Variants in STIM2 observed in about 807,000 individuals in gnomAD.
STIM2 encodes stromal interaction molecule 2.
A neutral mutation model predicts 85.8 loss-of-function variants in STIM2; 31 were observed. The observed-to-expected ratio is 0.36, with a 90% CI of 0.27 to 0.49. The LOEUF (loss-of-function observed/expected upper bound fraction) is 0.49. Ranked by LOEUF, STIM2 falls within the 20% of genes least tolerant of loss-of-function variation. STIM2 has a pLI of 0.98. For missense variants in STIM2, 841 were observed against 927.6 expected, an observed-to-expected ratio of 0.91 and a Z score of 1.21; for synonymous variants, 356 against 331.1, an observed-to-expected ratio of 1.08 and a Z score of -0.82.
intron 11 of STIM2, 139 bp from the exon 12 acceptor site, chr4:27,022,380 C>A: frequency 1.6e-6 from 1 of 628,722 alleles, no homozygotes; most frequent in Non-Finnish European, 2.6e-6. Context: ...TCTAATTTTG[C>A]TGAAATGTAT....
Position 27,024,613 on chromosome 4 carries a change from A to T in STIM2, c.*1617A>T, listed in dbSNP as rs1560245838. 6.6e-6 allele frequency: 1 copy of T among 152,178 alleles called. No homozygotes were observed. Among genetic ancestry groups the T allele is most frequent in the African/African-American group, 2.4e-5 (1 of 41,452 alleles). The allele number at this position is 152,178 out of a possible 1,614,324, so 9.4% of individuals were successfully genotyped here. On this transcript the variant is annotated 3_prime_UTR_variant, in exon 12 of 12. Coordinates refer to ENST00000467087, the MANE Select transcript of STIM2 (RefSeq NM_020860.4). ...TACTATTGTTAAAAACTTGAATGGT[A>T]TTTATATTGGCTGATATTTATATAC... is the stretch of plus-strand genomic sequence containing the variant.
intron 2 of STIM2, among the ~76,000 whole-genome samples, chr4:26,921,088 C>G (rs13147585): frequency 0.31 from 47,176 of 151,956 alleles, 7,454 homozygotes; most frequent in African/African-American, 0.39. Flanking sequence ...TTCAATATGA[C>G]TAGTGTTCTG....
chr4:26,932,290 C>T (rs887544789), intron 2 of STIM2, among the ~76,000 whole-genome samples: 1 of 152,186 alleles, frequency 6.6e-6, no homozygotes, highest in African/African-American at 2.4e-5. Context: ...TGAATCTTAA[C>T]GTCTGTTTGA....
chr4:27,006,964 A>G (rs1355514284), intron 7 of STIM2, among the ~76,000 whole-genome samples: 3 of 152,232 alleles, frequency 2.0e-5, no homozygotes, highest in African/African-American at 7.2e-5. Flanking sequence ...ATAACTGGCC[A>G]TAAAGAGGAT....
chr4:26,954,880 C>T (rs1726186333), intron 2 of STIM2, among the ~76,000 whole-genome samples: 1 of 147,342 alleles, frequency 6.8e-6, no homozygotes, highest in South Asian at 2.2e-4. Context: ...ATTGTGATAT[C>T]CTGGAGACAT....
At chr4:26,918,219 T>C (rs375643605) in intron 1 of STIM2, among the ~76,000 whole-genome samples, 7 of 151,210 alleles carry the variant, frequency 4.6e-5, no homozygotes, top group African/African-American at 1.7e-4. Flanking sequence ...TTAGGTAATA[T>C]CAGTTTGACT....
At chr4:26,970,392 CT>C (rs1211835136) in intron 3 of STIM2, among the ~76,000 whole-genome samples, 2 of 152,018 alleles carry the variant, frequency 1.3e-5, no homozygotes, top group Non-Finnish European at 2.9e-5. Flanking sequence ...TATCCCTCCC[CT>C]AGCCCCCTAC....
Position 26,869,893 on chromosome 4 carries a change from T to C in STIM2, c.151+8524T>C, listed in dbSNP as rs146592913. On this transcript the variant is annotated intron_variant, in intron 1 of 11. Transcript: ENST00000467087. ...AGCATTTTTCACAATAGCCAAGATA[T>C]GGAAACAACCTTAACGTTCATCAAT... 2.0e-3 allele frequency among the ~76,000 whole-genome samples: 305 copies of C among 151,594 alleles called. 11 individuals carry two copies. In the East Asian group the frequency reaches 0.054, roughly 27 times the overall value.
At chr4:26,987,687 T>A (rs1328923466) in intron 3 of STIM2, among the ~76,000 whole-genome samples, 5 of 152,216 alleles carry the variant, frequency 3.3e-5, no homozygotes, top group African/African-American at 4.8e-5. Flanking sequence ...AGAACTGACG[T>A]AGCTCCATTG....
intron 1 of STIM2, 42 bp downstream of exon 1, chr4:26,861,411 G>C: frequency 7.8e-7 from 1 of 1,280,262 alleles, no homozygotes; most frequent in Non-Finnish European, 9.8e-7. Flanking sequence ...GGCCGGCAGC[G>C]ATGGGACCCC....
rs1443390521 is a variant in STIM2, at chr4:27,008,361, G to A, written c.1150-67G>A. 3.2e-6 allele frequency: 3 copies of A among 929,672 alleles called. No homozygotes were observed. The African/African-American group carries it at 5.1e-5, about 16-fold the overall frequency. 57.6% of individuals were successfully genotyped at this position (929,672 alleles called of 1,614,324 possible). The stretch of plus-strand genomic sequence containing the variant: ...TCAAAACCAAAACAAACTTTATTAT[G>A]TTATATATACAAAAATGTCTGTATT... On this transcript the variant is annotated intron_variant, in intron 8 of 11. Coordinates refer to ENST00000467087, the MANE Select transcript of STIM2 (RefSeq NM_020860.4).
chr4:27,002,436 C>T, intron 6 of STIM2, 42 bp downstream of exon 6: 1 of 1,505,690 alleles, frequency 6.6e-7, no homozygotes. Flanking sequence ...TAGGCAAATA[C>T]AATTTGTAAA....
chr4:26,942,214 A>G (rs1015749971), intron 2 of STIM2, among the ~76,000 whole-genome samples: 1 of 152,074 alleles, frequency 6.6e-6, no homozygotes, highest in African/African-American at 2.4e-5. Context: ...ACTACTGTGG[A>G]TTCACTGTCT....
intron 3 of STIM2, among the ~76,000 whole-genome samples, chr4:26,980,152 T>C (rs997382000): frequency 2.0e-5 from 3 of 152,228 alleles, no homozygotes; most frequent in African/African-American, 7.2e-5. Flanking sequence ...TAAAGGCATG[T>C]ATAAATTACA....
At chr4:26,977,721 T>A (rs1186565314) in intron 3 of STIM2, among the ~76,000 whole-genome samples, 1 of 152,008 alleles carries the variant, frequency 6.6e-6, no homozygotes. Flanking sequence ...ATAGGAGTAA[T>A]TAGGAAAAAA....
At chr4:26,913,686 A>AC (rs1415769263) in intron 1 of STIM2, among the ~76,000 whole-genome samples, 1 of 152,198 alleles carries the variant, frequency 6.6e-6, no homozygotes, top group Non-Finnish European at 1.5e-5. Context: ...TTTCTTTCAA[A>AC]CATTTTGGAA....
At chr4:26,906,828 A>T (rs1360903313) in intron 1 of STIM2, among the ~76,000 whole-genome samples, 2 of 152,112 alleles carry the variant, frequency 1.3e-5, no homozygotes, top group Non-Finnish European at 2.9e-5. Context: ...TTAGATAGGC[A>T]TGGTGGTGGG....
At chr4:26,982,098 T>C (rs1445345158) in intron 3 of STIM2, among the ~76,000 whole-genome samples, 1 of 152,208 alleles carries the variant, frequency 6.6e-6, no homozygotes, top group Admixed American at 6.5e-5. Flanking sequence ...TGCTAAATGG[T>C]AACTTTTTGA....
intron 3 of STIM2, among the ~76,000 whole-genome samples, chr4:26,958,786 A>G (rs1726342457): frequency 6.6e-6 from 1 of 152,222 alleles, no homozygotes; most frequent in Non-Finnish European, 1.5e-5. Context: ...AGGAAAAGTG[A>G]AAATGGTGGG....
Sources: gnomAD v4.1 joint callset for allele counts (sites outside exome capture counted in the v4.1 genomes callset) on GRCh38, gnomAD v4.1.1 for gene constraint, MANE v1.5 for transcripts, NCBI Gene and HGNC (gene_info 2026-07-23, HGNC 2026-07-21) for gene names.